MYRF: variants seen among roughly 807,000 people sequenced by gnomAD.
The protein encoded by MYRF is myelin gene regulatory factor.
Under a neutral mutation model 126.3 loss-of-function variants are expected in MYRF, and 16 were observed. That is an observed-to-expected ratio of 0.13 (90% CI 0.09 to 0.19). The LOEUF (loss-of-function observed/expected upper bound fraction) is 0.19, where lower values mean the gene tolerates loss of function less well. Among genes scored for constraint, MYRF ranks in the 10% least tolerant of loss-of-function variants. The pLI is 1.00. For missense variants in MYRF, 1,104 were observed against 1,547.0 expected (o/e 0.71, Z 4.80); for synonymous variants, 608 against 635.3 (o/e 0.96, Z 0.65).
At position 61,776,560 on chromosome 11, in the gene MYRF, A is replaced by C. The variant is rs1435740843; in HGVS notation, c.1499+128A>C. Reference sequence around the variant, plus strand: ...TTCACAGATGAGAGACCTGAGATTTAGAGCCCTTCATTGACTTAAGGATGG... The same window carrying C: ...TTCACAGATGAGAGACCTGAGATTTCGAGCCCTTCATTGACTTAAGGATGG... On this transcript the variant is annotated intron_variant, in intron 10 of 26. Coordinates refer to ENST00000278836, the MANE Select transcript of MYRF (RefSeq NM_001127392.3). The surrounding 1 kb of genome is among the most constrained non-coding windows in gnomAD (Gnocchi z 4.3). The C allele has an allele frequency of 1.2e-6, 1 of 808,826 alleles. No individual in the cohort carries two copies. The highest frequency in any genetic ancestry group is 2.0e-6 in the Non-Finnish European group (1 of 505,856). 50.1% of individuals were successfully genotyped at this position (808,826 alleles called of 1,614,324 possible). A position where few individuals can be genotyped will look rare whatever the true frequency, so the allele number is the denominator to read the frequency against.
At chr11:61,763,006 G>T (rs965782829) in intron 1 of MYRF, among the ~76,000 whole-genome samples, 2 of 152,166 alleles carry the variant, frequency 1.3e-5, no homozygotes, top group African/African-American at 4.8e-5. Flanking sequence ...AGGATTAGGG[G>T]CGATTAGGAG....
intron 1 of MYRF, among the ~76,000 whole-genome samples, chr11:61,758,792 G>T (rs566189468): frequency 2.9e-4 from 44 of 152,224 alleles, no homozygotes; most frequent in Non-Finnish European, 5.6e-4. Flanking sequence ...TGTGGGCAAG[G>T]CTTTTGTCCC....
intron 21 of MYRF, 36 bp downstream of exon 21, chr11:61,781,365 G>C: frequency 6.2e-7 from 1 of 1,608,194 alleles, no homozygotes; most frequent in Middle Eastern, 1.7e-4. Context: ...TGGGGCGGGG[G>C]CTACCTGCGT....
At chr11:61,780,084 C>G in intron 17 of MYRF, 138 bp from the exon 18 acceptor site, 1 of 1,236,318 alleles carries the variant, frequency 8.1e-7, no homozygotes, top group Non-Finnish European at 1.2e-6. Context: ...CTTTCTGCCT[C>G]TTCCCCTCTG....
chr11:61,785,751 T>C, intron 25 of MYRF, 49 bp from the exon 26 acceptor site: 1 of 1,512,386 alleles, frequency 6.6e-7, no homozygotes, highest in Non-Finnish European at 9.2e-7. Context: ...AGATGCTGGT[T>C]GGGATAAGGG....
chr11:61,777,020 C>T lies in MYRF; in HGVS notation c.1590+143C>T. ...GGCTGTGTGGCCTTGGGCAAAGCTC[C>T]CACCCTCTCTGGGCTGCAGGGTCTC... On this transcript the variant is annotated intron_variant, in intron 11 of 26. Transcript: ENST00000278836. The surrounding 1 kb of genome is among the most constrained non-coding windows in gnomAD (Gnocchi z 8.8). 5.9e-6 allele frequency: 5 copies of T among 849,690 alleles called. No individual in the cohort carries two copies. Among genetic ancestry groups the T allele is most frequent in the Non-Finnish European group, 9.0e-6 (5 of 556,450 alleles). The allele number at this position is 849,690 out of a possible 1,614,324, so 52.6% of individuals were successfully genotyped here. A position where few individuals can be genotyped will look rare whatever the true frequency, so the allele number is the denominator to read the frequency against.
chr11:61,783,306 A>G lies in MYRF; in HGVS notation c.3017-192A>G. The stretch of plus-strand genomic sequence containing the variant: ...TTTTGAGGAGGCAGACGTCAGGCTC[A>G]TGGGAACTGGGTAGTCCTAGGGCTG... On this transcript the variant is annotated intron_variant, in intron 22 of 26. Transcript: ENST00000278836. This position sits in a 1 kb window ranked among gnomAD's most constrained non-coding sequence, Gnocchi z 4.6. 1 of 510,104 alleles carries G rather than the reference A, an allele frequency of 2.0e-6. No homozygotes were observed. Among genetic ancestry groups the G allele is most frequent in the Admixed American group, 3.1e-5 (1 of 32,200 alleles). 31.6% of individuals were successfully genotyped at this position (510,104 alleles called of 1,614,324 possible). A position where few individuals can be genotyped will look rare whatever the true frequency, so the allele number is the denominator to read the frequency against.
intron 17 of MYRF, 129 bp downstream of exon 17, chr11:61,780,059 C>A (rs377076731): frequency 8.3e-7 from 1 of 1,207,428 alleles, no homozygotes. Context: ...CAGCTGAGGT[C>A]TCGGTGAGGT....
In MYRF at chr11:61,757,603, T is replaced by C. The variant is rs1375518185; in HGVS notation, c.46+4813T>C. On this transcript the variant is annotated intron_variant, in intron 1 of 26. Coordinates refer to ENST00000278836, the MANE Select transcript of MYRF (RefSeq NM_001127392.3). The surrounding 1 kb of genome is among the most constrained non-coding windows in gnomAD (Gnocchi z 4.7). Reference sequence around the variant, plus strand: ...GAACCATGACAGCTCTGGCCCAGCGTGGCCTGGTCCTGGTCCCTGGCACAT... The same window carrying C: ...GAACCATGACAGCTCTGGCCCAGCGCGGCCTGGTCCTGGTCCCTGGCACAT... 2 of 455,654 alleles carry C rather than the reference T, an allele frequency of 4.4e-6. No individual in the cohort carries two copies. Among genetic ancestry groups the C allele is most frequent in the African/African-American group, 4.0e-5 (2 of 50,026 alleles). The allele number at this position is 455,654 out of a possible 1,614,324, so 28.2% of individuals were successfully genotyped here.
chr11:61,766,970 C>G (rs1565287015), intron 3 of MYRF: 1 of 454,458 alleles, frequency 2.2e-6, no homozygotes, highest in Non-Finnish European at 4.4e-6. Context: ...CTTCAGCTTC[C>G]CCATTTATCA....
chr11:61,774,054 C>T lies in MYRF; in HGVS notation c.1203C>T (p.His401=), dbSNP rs776821691. The T allele has an allele frequency of 3.3e-5, 54 of 1,613,812 alleles. No individual in the cohort carries two copies. Among genetic ancestry groups the T allele is most frequent in the Non-Finnish European group, 4.5e-5 (53 of 1,180,006 alleles). The change falls in exon 8 of 27, where the codon CAC becomes CAT. Residue 401 remains histidine, a synonymous_variant. Transcript: ENST00000278836. The part of the protein sequence containing the change: ...DDAFVCQKKN[H]FQVTVYIGML... ...CCTTTGTGTGCCAGAAGAAGAACCA[C>T]TTCCAGGTGACAGTGTACATCGGCA...
intron 7 of MYRF, among the ~76,000 whole-genome samples, chr11:61,772,612 A>G (rs968447241): frequency 2.0e-5 from 3 of 152,214 alleles, no homozygotes; most frequent in African/African-American, 7.2e-5. Flanking sequence ...GAAGGGTCCC[A>G]TGAAGTCCTG....
Position 61,776,694 on chromosome 11 carries a change from G to C in MYRF, c.1500-93G>C. On this transcript the variant is annotated intron_variant, in intron 10 of 26. Coordinates refer to ENST00000278836, the MANE Select transcript of MYRF (RefSeq NM_001127392.3). The surrounding 1 kb of genome is among the most constrained non-coding windows in gnomAD (Gnocchi z 4.3). ...AGGCTCGGGTTCCTCCTCTGTAGGA[G>C]GGGGTGAGATGAACATGCATCTGGC... The C allele has an allele frequency of 2.9e-6, 3 of 1,039,418 alleles. No homozygotes were observed. The highest frequency in any genetic ancestry group is 2.6e-5 in the East Asian group (1 of 38,316). 64.4% of individuals were successfully genotyped at this position (1,039,418 alleles called of 1,614,324 possible).
At chr11:61,756,839 C>G (rs1025657776) in intron 1 of MYRF, among the ~76,000 whole-genome samples, 1 of 151,940 alleles carries the variant, frequency 6.6e-6, no homozygotes, top group Non-Finnish European at 1.5e-5. Context: ...TTAAGTAGAG[C>G]CAAGGAGGGC....
intron 1 of MYRF, chr11:61,755,447 C>A (rs776217831): frequency 6.8e-6 from 11 of 1,610,026 alleles, no homozygotes; most frequent in South Asian, 4.4e-5. Context: ...CAGCAGGTAA[C>A]CGGGCCATGG....
In MYRF at chr11:61,783,883, G is replaced by C; in HGVS notation, c.3152G>C (p.Ser1051Thr). Residue 1051 changes from serine (S) to threonine (T), a missense_variant, in exon 24 of 27, where the codon AGT becomes ACT. Around this residue, in one of 10 missense-constraint regions of MYRF, gnomAD observed 94 missense variants for 164.6 expected, o/e 0.57. Coordinates refer to ENST00000278836, the MANE Select transcript of MYRF (RefSeq NM_001127392.3). This position sits in a 1 kb window ranked among gnomAD's most constrained non-coding sequence, Gnocchi z 4.6. ...AACTTCACCTACCACATCCCTGTCAGTAGTGGCACCCCACTGCACCTCAGC... is the reference window on the plus strand; with the variant it reads ...AACTTCACCTACCACATCCCTGTCACTAGTGGCACCCCACTGCACCTCAGC... ...PGNFTYHIPV[S>T]SGTPLHLSLT... The C allele has an allele frequency of 1.2e-6, 2 of 1,609,980 alleles. No individual in the cohort carries two copies. Among genetic ancestry groups the C allele is most frequent in the Non-Finnish European group, 1.7e-6 (2 of 1,178,072 alleles).
At chr11:61,752,817 G>A in intron 1 of MYRF, 27 bp downstream of exon 1, 1 of 1,483,384 alleles carries the variant, frequency 6.7e-7, no homozygotes, top group Non-Finnish European at 8.9e-7. Context: ...TGGCGGCGGC[G>A]ACCCTCTGGC....
chr11:61,778,918 C>A lies in MYRF; in HGVS notation c.2014-345C>A, dbSNP rs1260568560. On this transcript the variant is annotated intron_variant, in intron 14 of 26. Transcript: ENST00000278836. This position sits in a 1 kb window ranked among gnomAD's most constrained non-coding sequence, Gnocchi z 4.6. ...TCCACCCCAGCTGAATAGTGAAGTG[C>A]TGACATCTGAGACACCAGTCATCCG... The A allele has an allele frequency of 1.7e-6, 1 of 578,758 alleles. No individual in the cohort carries two copies. The highest frequency in any genetic ancestry group is 3.3e-6 in the Non-Finnish European group (1 of 306,156). The allele number at this position is 578,758 out of a possible 1,614,324, so 35.9% of individuals were successfully genotyped here.
intron 18 of MYRF, 95 bp from the exon 19 acceptor site, chr11:61,780,617 A>C: frequency 7.9e-7 from 1 of 1,261,268 alleles, no homozygotes; most frequent in Non-Finnish European, 1.1e-6. Flanking sequence ...CTGTGAGCCC[A>C]CTGTCACCCC....
Sources: allele counts gnomAD v4.1 joint callset (sites outside exome capture counted in the v4.1 genomes callset), GRCh38; gene constraint gnomAD v4.1.1; regional missense constraint gnomAD v4.1.1; non-coding constraint Gnocchi (gnomAD v3.1); transcripts MANE v1.5; gene names NCBI Gene and HGNC (gene_info 2026-07-23, HGNC 2026-07-21).